CANX: variants seen among roughly 807,000 people sequenced by gnomAD.
The protein encoded by CANX is epididymis secretory sperm binding protein.
Under a neutral mutation model 75.7 loss-of-function variants are expected in CANX, and 14 were observed. The observed-to-expected ratio is 0.19, with a 90% CI of 0.12 to 0.29. CANX has a LOEUF of 0.29. CANX is among the 10% of genes least tolerant of loss of function. The pLI is 1.00. For missense variants in CANX, 567 were observed against 713.2 expected (o/e 0.79, Z 2.34); for synonymous variants, 227 against 236.9 (o/e 0.96, Z 0.38).
intron 1 of CANX, among the ~76,000 whole-genome samples, chr5:179,687,731 A>G (rs573589677): frequency 1.8e-4 from 27 of 152,178 alleles, no homozygotes; most frequent in East Asian, 9.8e-4. Context: ...CAGTATGTCT[A>G]TGTTATTAAA....
chr5:179,690,435 G>A (rs549291948), intron 1 of CANX, among the ~76,000 whole-genome samples: 25 of 152,018 alleles, frequency 1.6e-4, no homozygotes, highest in Admixed American at 5.3e-4. Flanking sequence ...AATTAGCCAG[G>A]TGTGGTGGTA....
intron 8 of CANX, among the ~76,000 whole-genome samples, chr5:179,718,081 T>C (rs553350439): frequency 5.3e-5 from 8 of 152,304 alleles, no homozygotes; most frequent in African/African-American, 7.2e-5. Flanking sequence ...CACGGCTCAC[T>C]GCAGCTTCCA....
rs1386749626 is a variant in CANX at position 179,728,844 on chromosome 5, G to A, written c.*200G>A. The A allele has an allele frequency of 7.6e-6, 5 of 659,744 alleles. No homozygotes were observed. Among genetic ancestry groups the A allele is most frequent in the Non-Finnish European group, 8.4e-6 (3 of 357,236 alleles). 40.9% of individuals were successfully genotyped at this position (659,744 alleles called of 1,614,324 possible). A position where few individuals can be genotyped will look rare whatever the true frequency, so the allele number is the denominator to read the frequency against. ...TTGCAGTTGTGATATAAAGGACCCT[G>A]TTTCTGTAGAAAAGAAAACATTTAA... On this transcript the variant is annotated 3_prime_UTR_variant, in exon 15 of 15. Transcript: ENST00000247461.
At chr5:179,698,435 C>T (rs949481123), upstream of CANX, 43 of 1,284,586 alleles carry the variant, frequency 3.3e-5, no homozygotes, top group Middle Eastern at 1.2e-3. Context: ...CCAATCCGGC[C>T]AGGCGCTCGC....
rs1481345816 is a variant in CANX, at chr5:179,705,692, A to G, written c.11A>G (p.Lys4Arg). The change falls in exon 2 of 15, where the codon AAG (lysine) becomes AGG (arginine). Residue 4 changes from lysine to arginine, a missense_variant. Transcript: ENST00000247461. MEGKWLLCMLLVLG... is the reference protein window; with the variant it reads MEGRWLLCMLLVLG... ...CTTTATGTGTAGATCATGGAAGGGAAGTGGTTGCTGTGTATGTTACTGGTG... is the reference window on the plus strand; with the variant it reads ...CTTTATGTGTAGATCATGGAAGGGAGGTGGTTGCTGTGTATGTTACTGGTG... 1 of 1,514,176 alleles carries G rather than the reference A, an allele frequency of 6.6e-7. No individual in the cohort carries two copies. The highest frequency in any genetic ancestry group is 1.9e-5 in the Admixed American group (1 of 53,252). The allele number at this position is 1,514,176 out of a possible 1,614,324, so 93.8% of individuals were successfully genotyped here. A position where few individuals can be genotyped will look rare whatever the true frequency, so the allele number is the denominator to read the frequency against.
chr5:179,709,743 G>C, intron 6 of CANX, 130 bp from the exon 7 acceptor site: 2 of 579,738 alleles, frequency 3.4e-6, no homozygotes, highest in South Asian at 5.1e-5. Context: ...CAAACTTGTA[G>C]TTAGCTTTTC....
chr5:179,721,601 A>G (rs961088509), intron 10 of CANX, among the ~76,000 whole-genome samples: 3 of 152,130 alleles, frequency 2.0e-5, no homozygotes, highest in African/African-American at 7.2e-5. Flanking sequence ...CTTGGCCTCA[A>G]TGCTTGCAAC....
intron 1 of CANX, among the ~76,000 whole-genome samples, chr5:179,681,534 A>G (rs1458144103): frequency 6.6e-6 from 1 of 152,082 alleles, no homozygotes; most frequent in Non-Finnish European, 1.5e-5. Context: ...CTCATGGGGA[A>G]CTCTGAGCAC....
rs1450333440 is a variant in CANX at position 179,708,253 on chromosome 5, G to A, written c.319G>A (p.Glu107Lys). Residue 107 changes from glutamate (E) to lysine (K), a missense_variant, in exon 5 of 15, where the codon GAG becomes AAG. This residue lies in a region of CANX where 351 missense variants were observed against 433.8 expected (regional missense o/e 0.81). Transcript: ENST00000247461. ...TTGTCTTGTAGGAAAGTGGGAGGTA[G>A]AGGAAATGAAGGAGTCAAAGCTTCC... ...IAKYDGKWEV[E>K]EMKESKLPGD... The A allele has an allele frequency of 6.2e-7, 1 of 1,613,718 alleles. No individual in the cohort carries two copies. The highest frequency in any genetic ancestry group is 1.7e-5 in the Admixed American group (1 of 59,998).
At chr5:179,708,141 T>C in intron 4 of CANX, 98 bp from the exon 5 acceptor site, 1 of 968,122 alleles carries the variant, frequency 1.0e-6, no homozygotes, top group Non-Finnish European at 1.6e-6. Flanking sequence ...GCTGCCCCAG[T>C]ATAATATATT....
At chr5:179,711,779 C>CT in intron 7 of CANX, among the ~76,000 whole-genome samples, 1 of 91,824 alleles carries the variant, frequency 1.1e-5, no homozygotes, top group South Asian at 4.1e-4. Context: ...CAGGAAGACT[C>CT]TGTCTCAAAA....
intron 1 of CANX, among the ~76,000 whole-genome samples, chr5:179,681,366 G>A (rs756747022): frequency 3.9e-5 from 6 of 152,194 alleles, no homozygotes; most frequent in Non-Finnish European, 7.3e-5. Flanking sequence ...CATGGGTCAG[G>A]TTCCCTAGAA....
At chr5:179,704,959 A>G (rs1777029896) in intron 1 of CANX, among the ~76,000 whole-genome samples, 1 of 152,198 alleles carries the variant, frequency 6.6e-6, no homozygotes. Context: ...AACCGTATCC[A>G]TATTAAGCCT....
rs1778991826 is a variant in CANX at position 179,731,507 on chromosome 5, A to C, written c.*2863A>C. 6.7e-6 allele frequency among the ~76,000 whole-genome samples: 1 copy of C among 150,306 alleles called. No homozygotes were observed. Among genetic ancestry groups the C allele is most frequent in the Non-Finnish European group, 1.5e-5 (1 of 67,702 alleles). ...AAAAAAAGCAGGACTGCATTATGGC[A>C]CTTTTGCCTTGGTGGCCCACTTTCT... On this transcript the variant is annotated 3_prime_UTR_variant, in exon 15 of 15. Coordinates refer to ENST00000247461, the MANE Select transcript of CANX (RefSeq NM_001746.4).
chr5:179,707,392 G>A (rs1777206385), intron 4 of CANX, among the ~76,000 whole-genome samples: 1 of 152,068 alleles, frequency 6.6e-6, no homozygotes, highest in Admixed American at 6.6e-5. Context: ...AGACCATCCT[G>A]GCTAACACAG....
intron 1 of CANX, among the ~76,000 whole-genome samples, chr5:179,701,650 T>G (rs1025519315): frequency 6.7e-6 from 1 of 149,550 alleles, no homozygotes; most frequent in Non-Finnish European, 1.5e-5. Flanking sequence ...ATAATAAAAG[T>G]ACCTAAACAG....
upstream of CANX, chr5:179,698,914 G>C (rs1011873470): frequency 2.1e-5 from 24 of 1,157,348 alleles, no homozygotes; most frequent in Non-Finnish European, 2.6e-5. Context: ...CTACTCAGGG[G>C]CCAGGGGCGG....
upstream of CANX, among the ~76,000 whole-genome samples, chr5:179,696,982 G>A (rs1409441594): frequency 6.6e-6 from 1 of 152,170 alleles, no homozygotes; most frequent in Non-Finnish European, 1.5e-5. Context: ...ATCTGTCATG[G>A]TGATCCAGGT....
intron 12 of CANX, 53 bp from the exon 13 acceptor site, chr5:179,724,604 A>G (rs1395681107): frequency 2.0e-6 from 3 of 1,488,984 alleles, no homozygotes; most frequent in Non-Finnish European, 2.8e-6. Flanking sequence ...CAGGAATTAT[A>G]TAACATAATA....
Sources: gnomAD v4.1 joint callset for allele counts (sites outside exome capture counted in the v4.1 genomes callset) on GRCh38, gnomAD v4.1.1 for gene constraint, gnomAD v4.1.1 regional missense constraint, MANE v1.5 for transcripts, NCBI Gene and HGNC (gene_info 2026-07-23, HGNC 2026-07-21) for gene names.